The following PMEL variants were observed in gnomAD, a reference collection of about 807,000 sequenced individuals.
The protein encoded by PMEL is premelanosome protein.
Under a neutral mutation model 64.9 loss-of-function variants are expected in PMEL, and 53 were observed. That is an observed-to-expected ratio of 0.82 (90% confidence interval 0.66 to 1.03). The LOEUF is 1.03. Among genes scored for constraint, PMEL ranks in the 50% least tolerant of loss-of-function variants. PMEL has a pLI of 0.00. For synonymous variants in PMEL, 299 were observed against 316.2 expected (o/e 0.95, Z 0.58); for missense variants, 716 against 814.9 (o/e 0.88, Z 1.48).
Position 55,957,152 on chromosome 12 carries a change from ACCT to A in PMEL, c.1148_1150del (p.Glu383del). ...CATCTCTGCCAGTGTGGTACCCATG[ACCT>A]CTGAAACTGGCACCTTCTCAGGTGT... On this transcript the variant is annotated inframe_deletion, in exon 6 of 11. Coordinates refer to ENST00000548747, the MANE Select transcript of PMEL (RefSeq NM_001384361.1). The A allele has an allele frequency of 6.2e-7, 1 of 1,614,050 alleles. No individual in the cohort carries two copies. The highest frequency in any genetic ancestry group is 2.2e-5 in the East Asian group (1 of 44,878).
At chr12:55,963,791 G>C (rs901764071) in intron 1 of PMEL, among the ~76,000 whole-genome samples, 1 of 152,174 alleles carries the variant, frequency 6.6e-6, no homozygotes, top group Non-Finnish European at 1.5e-5. Context: ...GGAGAAAGCA[G>C]GGCTGGGATA....
chr12:55,963,699 GAA>G (rs1391266723), intron 1 of PMEL, among the ~76,000 whole-genome samples: 2 of 152,156 alleles, frequency 1.3e-5, no homozygotes, highest in Non-Finnish European at 2.9e-5. Flanking sequence ...TATAGTAAAA[GAA>G]AAAGACTTGA....
At chr12:55,960,535 C>CTTTTTTTT (rs1889060584) in intron 3 of PMEL, among the ~76,000 whole-genome samples, 8 of 122,924 alleles carry the variant, frequency 6.5e-5, no homozygotes, top group African/African-American at 2.5e-4. Context: ...TTTTTGCTTT[C>CTTTTTTTT]TGTTTTTTTT....
At chr12:55,963,260 G>A (rs1471949866) in intron 1 of PMEL, among the ~76,000 whole-genome samples, 2 of 152,172 alleles carry the variant, frequency 1.3e-5, no homozygotes, top group African/African-American at 2.4e-5. Context: ...GCAGAGATTG[G>A]GGATGGGGAC....
intron 5 of PMEL, 25 bp from the exon 6 acceptor site, chr12:55,957,696 A>T (rs772101985): frequency 6.3e-7 from 1 of 1,593,074 alleles, no homozygotes; most frequent in African/African-American, 1.3e-5. Context: ...AGAAAAGGTG[A>T]GAACCAGGCC....
At position 55,956,199 on chromosome 12, in the gene PMEL, C is replaced by T. The variant is rs1003160435; in HGVS notation, c.1375G>A (p.Asp459Asn). The T allele has an allele frequency of 1.2e-6, 2 of 1,613,468 alleles. No homozygotes were observed. Among genetic ancestry groups the T allele is most frequent in the African/African-American group, 2.7e-5 (2 of 75,038 alleles). The change falls in exon 7 of 11, where the codon GAT becomes AAT. Residue 459 changes from aspartate (D) to asparagine (N), a missense_variant. Asp to Asn is a conservative substitution (Grantham distance 23). Coordinates refer to ENST00000548747, the MANE Select transcript of PMEL (RefSeq NM_001384361.1). ...SITGSLGPLL[D>N]GTATLRLVKR... ...ACCAGCCTTAAGGTGGCTGTACCATCCAGCAGGGGGCCCAGGGAACCTGGC... is the reference window on the plus strand; with the variant it reads ...ACCAGCCTTAAGGTGGCTGTACCATTCAGCAGGGGGCCCAGGGAACCTGGC...
chr12:55,964,613 CTCTTT>C (rs950710379), intron 1 of PMEL, among the ~76,000 whole-genome samples: 27 of 152,052 alleles, frequency 1.8e-4, no homozygotes, highest in Non-Finnish European at 2.4e-4. Flanking sequence ...GCCTCCTTAT[CTCTTT>C]TCTTTTCTTT....
At chr12:55,963,865 CCT>C in intron 1 of PMEL, among the ~76,000 whole-genome samples, 1 of 151,462 alleles carries the variant, frequency 6.6e-6, no homozygotes, top group Non-Finnish European at 1.5e-5. Context: ...CCTGCAGAAA[CCT>C]CTCTCCCCTC....
chr12:55,966,071 G>T, upstream of PMEL: 1 of 1,613,388 alleles, frequency 6.2e-7, no homozygotes, highest in Non-Finnish European at 8.5e-7. Flanking sequence ...CCCTATATAA[G>T]AAAAGGGTGC....
At chr12:55,954,778 C>T (rs952618255) in intron 10 of PMEL, among the ~76,000 whole-genome samples, 1 of 152,142 alleles carries the variant, frequency 6.6e-6, no homozygotes, top group Non-Finnish European at 1.5e-5. Flanking sequence ...GTGGCAGGTG[C>T]CTGAAATCCC....
intron 1 of PMEL, among the ~76,000 whole-genome samples, chr12:55,964,288 G>A (rs1449477563): frequency 6.6e-6 from 1 of 151,888 alleles, no homozygotes; most frequent in Non-Finnish European, 1.5e-5. Flanking sequence ...AGCCTCCTGA[G>A]TGGCTGGGAT....
In PMEL at chr12:55,955,462, A is replaced by G. The variant is rs1250652187; in HGVS notation, c.1762+2T>C. On this transcript the variant is annotated splice_donor_variant, in intron 9 of 10. Coordinates refer to ENST00000548747, the MANE Select transcript of PMEL (RefSeq NM_001384361.1). LOFTEE classifies it high-confidence loss of function. The stretch of plus-strand genomic sequence containing the variant: ...CATCTTAGCTCTTGTCCAAGGACCT[A>G]CCAGGCATGATAAGCTGGGTGCTGA... 4 of 1,613,926 alleles carry G rather than the reference A, an allele frequency of 2.5e-6. No homozygotes were observed. Among genetic ancestry groups the G allele is most frequent in the Non-Finnish European group, 3.4e-6 (4 of 1,179,890 alleles).
At position 55,962,116 on chromosome 12, in the gene PMEL, G is replaced by A. The variant is rs541007368; in HGVS notation, c.77-384C>T. ...CTCCCAAAGTGCTGGGATTACAGGC[G>A]TGAGCCACTGCGCCCGGCTGAAGTG... is the stretch of plus-strand genomic sequence containing the variant. On this transcript the variant is annotated intron_variant, in intron 1 of 10. Transcript: ENST00000548747. 2.9e-4 allele frequency among the ~76,000 whole-genome samples: 44 copies of A among 152,000 alleles called. 1 individual carries two copies. The highest frequency in any genetic ancestry group is 1.0e-3 in the African/African-American group (43 of 41,532).
chr12:55,961,834 ATT>A (rs1201947206), intron 1 of PMEL, 102 bp from the exon 2 acceptor site: 30,141 of 492,234 alleles, frequency 0.061, 189 homozygotes, highest in African/African-American at 0.13. Context: ...TTCGAAGTGC[ATT>A]TTTTTTTTTT....
In PMEL at chr12:55,955,559, T is replaced by A; in HGVS notation, c.1667A>T (p.Gln556Leu). The A allele has an allele frequency of 1.9e-6, 3 of 1,614,128 alleles. No individual in the cohort carries two copies. Among genetic ancestry groups the A allele is most frequent in the Non-Finnish European group, 2.5e-6 (3 of 1,180,028 alleles). Reference sequence around the variant, plus strand: ...TGTCCCCGAGCCACCCTTCAGTATCTGGTGCAGAACCAGCTGGCAGGCTGG... The same window carrying A: ...TGTCCCCGAGCCACCCTTCAGTATCAGGTGCAGAACCAGCTGGCAGGCTGG... ...PSPACQLVLH[Q>L]ILKGGSGTYC... The change falls in exon 9 of 11, where the codon CAG becomes CTG. Residue 556 changes from glutamine to leucine, a missense_variant. By Grantham distance (113) the Gln-to-Leu change is moderately radical. Transcript: ENST00000548747.
chr12:55,962,076 T>A (rs988070761), intron 1 of PMEL, among the ~76,000 whole-genome samples: 3 of 152,092 alleles, frequency 2.0e-5, no homozygotes, highest in Non-Finnish European at 2.9e-5. Context: ...CCTTAGGTGA[T>A]CTGCCTGCTT....
chr12:55,962,728 T>A (rs1279470265), intron 1 of PMEL, among the ~76,000 whole-genome samples: 1 of 151,358 alleles, frequency 6.6e-6, no homozygotes, highest in African/African-American at 2.4e-5. Flanking sequence ...TCATGGTTTC[T>A]CCATGTTGGC....
chr12:55,956,863 G>T, intron 6 of PMEL, 86 bp downstream of exon 6: 1 of 1,416,002 alleles, frequency 7.1e-7, no homozygotes. Flanking sequence ...GCAAAGGATT[G>T]GGTAACATCT....
chr12:55,959,168 C>T (rs1449684824), intron 3 of PMEL, among the ~76,000 whole-genome samples: 1 of 151,284 alleles, frequency 6.6e-6, no homozygotes, highest in African/African-American at 2.4e-5. Flanking sequence ...CTGCTTGAGG[C>T]ATGGAATTCA....
Sources: gnomAD v4.1 joint callset for allele counts (sites outside exome capture counted in the v4.1 genomes callset) on GRCh38, gnomAD v4.1.1 for gene constraint, MANE v1.5 for transcripts, NCBI Gene and HGNC (gene_info 2026-07-23, HGNC 2026-07-21) for gene names.